The following DNAH8 variants were observed in gnomAD, a reference collection of about 807,000 sequenced individuals.
The protein encoded by DNAH8 is axonemal beta dynein heavy chain 8.
In DNAH8, 382 loss-of-function variants were observed where a neutral mutation model predicts 562.1. That is an observed-to-expected ratio of 0.68 (90% CI 0.63 to 0.74). The LOEUF (loss-of-function observed/expected upper bound fraction) is 0.74, where lower values mean the gene tolerates loss of function less well. Among genes scored for constraint, DNAH8 ranks in the 30% least tolerant of loss-of-function variants. DNAH8 has a pLI of 0.00. For missense variants in DNAH8, 5,203 were observed against 5,620.4 expected (o/e 0.93, Z 2.37); for synonymous variants, 1,881 against 1,919.4 (o/e 0.98, Z 0.52).
At chr6:38,949,281 A>C (rs1761693853) in intron 80 of DNAH8, among the ~76,000 whole-genome samples, 171 bp from the exon 81 acceptor site, 1 of 152,242 alleles carries the variant, frequency 6.6e-6, no homozygotes, top group Non-Finnish European at 1.5e-5. Flanking sequence ...GGGAATAGTA[A>C]TATCCAAGTT....
intron 63 of DNAH8, among the ~76,000 whole-genome samples, chr6:38,906,681 G>C (rs1285955565): frequency 6.6e-6 from 1 of 152,128 alleles, no homozygotes; most frequent in Non-Finnish European, 1.5e-5. Context: ...CAAAGTATCT[G>C]TCCATCTATC....
In DNAH8 at chr6:38,862,406, G is replaced by C. The variant is rs1259300098; in HGVS notation, c.6258G>C (p.Val2086=). ...GGTGTTTGGGAAAATATGTGGTCGT[G>C]TTCAATTGCTCAGATCAAATGGATT... The part of the protein sequence containing the change: ...MGRCLGKYVV[V]FNCSDQMDFR... Residue 2086 remains valine (V), a synonymous_variant, in exon 44 of 93, where the codon GTG becomes GTC. Transcript: ENST00000327475. 1 of 1,614,128 alleles carries C rather than the reference G, an allele frequency of 6.2e-7. No homozygotes were observed. The highest frequency in any genetic ancestry group is 8.5e-7 in the Non-Finnish European group (1 of 1,179,974).
chr6:38,727,433 C>A (rs1271520114), intron 3 of DNAH8, among the ~76,000 whole-genome samples: 1 of 152,240 alleles, frequency 6.6e-6, no homozygotes, highest in African/African-American at 2.4e-5. Context: ...AGAAGCTCCC[C>A]ACTTGGCCCT....
rs180859001 is a variant in DNAH8 at position 38,911,566 on chromosome 6, A to C, written c.9839A>C (p.Gln3280Pro). Reference sequence around the variant, plus strand: ...GAAAAGGTGAAGTTCATTAATGAACAGGCTGAACGTATGAATATTGGTAAG... The same window carrying C: ...GAAAAGGTGAAGTTCATTAATGAACCGGCTGAACGTATGAATATTGGTAAG... ...YAEKVKFINE[Q>P]AERMNIGLDK... The change falls in exon 66 of 93, where the codon CAG (glutamine) becomes CCG (proline). Residue 3280 changes from glutamine to proline, a missense_variant. This residue lies in a region of DNAH8 where 977 missense variants were observed against 1,061.8 expected (regional missense o/e 0.92). Coordinates refer to ENST00000327475, the MANE Select transcript of DNAH8 (RefSeq NM_001206927.2). The C allele has an allele frequency of 1.2e-6, 2 of 1,603,054 alleles. No individual in the cohort carries two copies. Among genetic ancestry groups the C allele is most frequent in the East Asian group, 4.5e-5 (2 of 44,818 alleles).
At chr6:38,997,548 G>A (rs1765219056) in intron 88 of DNAH8, among the ~76,000 whole-genome samples, 1 of 152,102 alleles carries the variant, frequency 6.6e-6, no homozygotes, top group Admixed American at 6.5e-5. Context: ...GAAAGAACAT[G>A]GGATATAAAT....
At chr6:38,810,080 G>A (rs1168308513) in intron 24 of DNAH8, among the ~76,000 whole-genome samples, 1 of 152,036 alleles carries the variant, frequency 6.6e-6, no homozygotes, top group Non-Finnish European at 1.5e-5. Context: ...GTCTTAGTGA[G>A]TTCAATTTGT....
At chr6:38,807,391 AG>A (rs1269078065) in intron 23 of DNAH8, among the ~76,000 whole-genome samples, 1 of 152,246 alleles carries the variant, frequency 6.6e-6, no homozygotes, top group Non-Finnish European at 1.5e-5. Context: ...CTGGTTTGCT[AG>A]GGTGTTTATG....
chr6:38,836,088 A>G (rs1172815690), intron 32 of DNAH8, among the ~76,000 whole-genome samples: 3 of 152,138 alleles, frequency 2.0e-5, no homozygotes, highest in African/African-American at 7.2e-5. Context: ...GAAAAAGTTA[A>G]AGGTTTCCAA....
At position 38,896,202 on chromosome 6, in the gene DNAH8, G is replaced by C; in HGVS notation, c.8917G>C (p.Glu2973Gln). Residue 2973 changes from glutamate (E) to glutamine (Q), a missense_variant, in exon 60 of 93, where the codon GAA (glutamate) becomes CAA (glutamine). By Grantham distance (29) the Glu-to-Gln change is conservative. Transcript: ENST00000327475. ...TGATGAACCTGAAGACTCTGTGTTTGAAGTACCCAAAATATATGAATTGGT... is the reference window on the plus strand; with the variant it reads ...TGATGAACCTGAAGACTCTGTGTTTCAAGTACCCAAAATATATGAATTGGT... Reference protein sequence around the residue: ...TGDEPEDSVFEVPKIYELMPS... With the variant: ...TGDEPEDSVFQVPKIYELMPS... 6.2e-7 allele frequency: 1 copy of C among 1,613,730 alleles called. No individual in the cohort carries two copies. The highest frequency in any genetic ancestry group is 8.5e-7 in the Non-Finnish European group (1 of 1,179,852).
intron 12 of DNAH8, 76 bp downstream of exon 12, chr6:38,770,635 T>A: frequency 7.6e-7 from 1 of 1,318,094 alleles, no homozygotes; most frequent in East Asian, 2.5e-5. Flanking sequence ...GTAGTGCCAT[T>A]GAGAATTATT....
At chr6:38,906,530 A>G (rs1230033600) in intron 63 of DNAH8, 123 bp downstream of exon 63, 1 of 747,802 alleles carries the variant, frequency 1.3e-6, no homozygotes, top group Non-Finnish European at 2.0e-6. Flanking sequence ...GACATGGTTA[A>G]TGTACGAGAT....
chr6:38,719,135 T>C (rs1314356362), intron 1 of DNAH8, among the ~76,000 whole-genome samples: 1 of 152,226 alleles, frequency 6.6e-6, no homozygotes, highest in African/African-American at 2.4e-5. Flanking sequence ...ACTGAATTCT[T>C]CAGGAATTCT....
At chr6:38,974,045 G>C (rs1469328010) in intron 84 of DNAH8, among the ~76,000 whole-genome samples, 1 of 152,066 alleles carries the variant, frequency 6.6e-6, no homozygotes, top group Non-Finnish European at 1.5e-5. Flanking sequence ...TTTCAGCTCT[G>C]ATCAATGTAC....
Position 38,815,480 on chromosome 6 carries a change from A to T in DNAH8, c.3346A>T (p.Ser1116Cys). 6.2e-7 allele frequency: 1 copy of T among 1,613,424 alleles called. No homozygotes were observed. The highest frequency in any genetic ancestry group is 8.5e-7 in the Non-Finnish European group (1 of 1,179,458). Residue 1116 changes from serine (S) to cysteine (C), a missense_variant, in exon 26 of 93, where the codon AGT becomes TGT. Ser to Cys is a moderately radical substitution (Grantham distance 112, BLOSUM62 -1). This residue lies in a region of DNAH8 where 2,176 missense variants were observed against 2,365.1 expected (regional missense o/e 0.92). Transcript: ENST00000327475. ...CTTCTTTCCACAGGTGATGATTCCT[A>T]GTTTGGATGACATTCAACAAGCCAT... ...LAIPNVVMIP[S>C]LDDIQQAINR...
intron 88 of DNAH8, 121 bp from the exon 89 acceptor site, chr6:39,008,693 C>CTTCTTT: frequency 2.7e-6 from 1 of 368,476 alleles, no homozygotes; most frequent in Non-Finnish European, 4.7e-6. Flanking sequence ...AACTTTTCTT[C>CTTCTTT]TTTTTTTTTT....
intron 33 of DNAH8, among the ~76,000 whole-genome samples, chr6:38,841,283 G>T (rs1037879501): frequency 6.6e-6 from 1 of 152,100 alleles, no homozygotes; most frequent in Non-Finnish European, 1.5e-5. Context: ...GCCGGGCGTG[G>T]TGGCATCTGC....
chr6:38,980,016 A>T (rs1763922562), intron 85 of DNAH8, among the ~76,000 whole-genome samples: 1 of 152,180 alleles, frequency 6.6e-6, no homozygotes, highest in Admixed American at 6.5e-5. Context: ...ATGAATTTTC[A>T]TGTTAATATC....
chr6:38,923,194 C>T lies in DNAH8; in HGVS notation c.10790+9C>T, dbSNP rs1396719278. 6.2e-7 allele frequency: 1 copy of T among 1,611,986 alleles called. No homozygotes were observed. Among genetic ancestry groups the T allele is most frequent in the South Asian group, 1.1e-5 (1 of 90,624 alleles). ...AAAGCTCAGATTAATAGGTGGGAAT[C>T]TGGGTCTTCTTCATAATCACTCTTT... is the stretch of plus-strand genomic sequence containing the variant. On this transcript the variant is annotated intron_variant, in intron 72 of 92. Transcript: ENST00000327475.
Position 39,012,253 on chromosome 6 carries a change from A to G in DNAH8, c.13410A>G (p.Ser4470=), listed in dbSNP as rs1766262051. 6.2e-7 allele frequency: 1 copy of G among 1,612,050 alleles called. No individual in the cohort carries two copies. Among genetic ancestry groups the G allele is most frequent in the East Asian group, 2.2e-5 (1 of 44,850 alleles). The change falls in exon 90 of 93, where the codon TCA becomes TCG. Residue 4470 remains serine (S), a synonymous_variant. Coordinates refer to ENST00000327475, the MANE Select transcript of DNAH8 (RefSeq NM_001206927.2). ...SRLIKMGHLN[S]MNIFLRQEID... ...TGATAAAGATGGGCCATCTTAATTC[A>G]ATGAACATATTTCTTAGACAAGAAA...
Sources: gnomAD v4.1 joint callset for allele counts (sites outside exome capture counted in the v4.1 genomes callset) on GRCh38, gnomAD v4.1.1 for gene constraint, gnomAD v4.1.1 regional missense constraint, MANE v1.5 for transcripts, NCBI Gene and HGNC (gene_info 2026-07-23, HGNC 2026-07-21) for gene names.